Variants in ATG10 observed in about 807,000 individuals in gnomAD.
ATG10 encodes the protein ubiquitin-like-conjugating enzyme ATG10.
A neutral mutation model predicts 32.1 loss-of-function variants in ATG10; 30 were observed. The ratio of observed to expected loss-of-function variants is 0.94; its 90% CI spans 0.70 to 1.27. The LOEUF is 1.27. ATG10 is among the 50% of genes most tolerant of loss of function. ATG10 has a pLI of 0.00. For synonymous variants in ATG10, 87 were observed against 91.5 expected (o/e 0.95, Z 0.28); for missense variants, 233 against 262.3 (o/e 0.89, Z 0.77).
At chr5:82,114,909 A>G (rs1389515285) in intron 3 of ATG10, among the ~76,000 whole-genome samples, 1 of 152,076 alleles carries the variant, frequency 6.6e-6, no homozygotes, top group African/African-American at 2.4e-5. Context: ...TTACAGTACA[A>G]TATGATCGCT....
At chr5:82,233,806 C>A (rs560169094) in intron 5 of ATG10, among the ~76,000 whole-genome samples, 3 of 152,294 alleles carry the variant, frequency 2.0e-5, no homozygotes, top group Admixed American at 6.5e-5. Flanking sequence ...TAATTGACTG[C>A]CTAGGGCCTG....
Position 81,993,360 on chromosome 5 carries a change from C to CTTCTTTCTTTCTTTTCTTTTCTT in ATG10, c.108+5688_108+5689insCTTTCTTTTCTTTTCTTTTCTTT, listed in dbSNP as rs1389776064. Among the ~76,000 whole-genome samples the CTTCTTTCTTTCTTTTCTTTTCTT allele has an allele frequency of 5.8e-3, 273 of 46,784 alleles. 34 individuals are homozygous for CTTCTTTCTTTCTTTTCTTTTCTT. Among genetic ancestry groups the CTTCTTTCTTTCTTTTCTTTTCTT allele is most frequent in the East Asian group, 0.033 (51 of 1,566 alleles). The allele number at this position is 46,784 out of a possible 152,430, so 30.7% of individuals were successfully genotyped here. ...CCTTCTTTCTTTCTTTCTTTCTTTC[C>CTTCTTTCTTTCTTTTCTTTTCTT]TTCTTTTCTTTTCTTTTCTTTTCTT... On this transcript the variant is annotated intron_variant, in intron 2 of 7. Coordinates refer to ENST00000282185, the MANE Select transcript of ATG10 (RefSeq NM_031482.5).
intron 3 of ATG10, among the ~76,000 whole-genome samples, chr5:82,086,403 A>G (rs542551629): frequency 6.6e-6 from 1 of 152,214 alleles, no homozygotes; most frequent in Admixed American, 6.5e-5. Context: ...CAAGTAAATT[A>G]GTATAGTAAT....
At chr5:82,010,767 C>T (rs764787058) in intron 2 of ATG10, among the ~76,000 whole-genome samples, 11 of 152,088 alleles carry the variant, frequency 7.2e-5, no homozygotes, top group Non-Finnish European at 1.6e-4. Context: ...GGTTTCTTTT[C>T]CAATATTTAT....
chr5:82,083,218 G>A (rs1368084957), intron 3 of ATG10, among the ~76,000 whole-genome samples: 1 of 152,198 alleles, frequency 6.6e-6, no homozygotes. Flanking sequence ...CACCCCTACG[G>A]AGCCTCACTC....
chr5:82,104,446 G>GT (rs1233743270), intron 3 of ATG10, among the ~76,000 whole-genome samples: 1 of 150,212 alleles, frequency 6.7e-6, no homozygotes, highest in Non-Finnish European at 1.5e-5. Context: ...TTTTTTTTCA[G>GT]TTTTAGATGA....
chr5:81,978,399 C>T (rs1397065023), intron 1 of ATG10, among the ~76,000 whole-genome samples: 4 of 152,150 alleles, frequency 2.6e-5, no homozygotes, highest in African/African-American at 9.6e-5. Context: ...ATACTTTTGG[C>T]CAAGGATACC....
At chr5:82,120,545 T>A (rs757766977) in intron 3 of ATG10, among the ~76,000 whole-genome samples, 18 of 152,334 alleles carry the variant, frequency 1.2e-4, no homozygotes, top group African/African-American at 2.9e-4. Context: ...AGGATGGAAG[T>A]GACTTGATTA....
intron 4 of ATG10, among the ~76,000 whole-genome samples, chr5:82,178,214 C>T (rs1176990470): frequency 1.3e-5 from 2 of 152,080 alleles, no homozygotes; most frequent in East Asian, 3.8e-4. Flanking sequence ...CTCTCTAAAA[C>T]ACATTTGGAT....
intron 5 of ATG10, among the ~76,000 whole-genome samples, chr5:82,195,325 A>G (rs1009767592): frequency 6.6e-6 from 1 of 152,230 alleles, no homozygotes; most frequent in African/African-American, 2.4e-5. Flanking sequence ...TTGGACAGAG[A>G]CTAAAGAAAT....
intron 5 of ATG10, among the ~76,000 whole-genome samples, chr5:82,209,879 CTT>C (rs1445053348): frequency 6.6e-6 from 1 of 152,152 alleles, no homozygotes; most frequent in Non-Finnish European, 1.5e-5. Flanking sequence ...ACCCCACTGA[CTT>C]TTGTTTCACT....
In ATG10 at chr5:82,219,862, A is replaced by G. The variant is rs188333752; in HGVS notation, c.454-32700A>G. Among the ~76,000 whole-genome samples, 111 of 152,338 alleles carry G rather than the reference A, an allele frequency of 7.3e-4. 1 individual carries two copies. Among genetic ancestry groups the G allele is most frequent in the African/African-American group, 2.4e-3 (100 of 41,586 alleles). On this transcript the variant is annotated intron_variant, in intron 5 of 7. Coordinates refer to ENST00000282185, the MANE Select transcript of ATG10 (RefSeq NM_031482.5). ...CTCTTTCTCTCATTCACAAATATTA[A>G]AGGAGCACCTATTATGAGCAGTTGT...
At chr5:82,203,811 C>G (rs1338762912) in intron 5 of ATG10, among the ~76,000 whole-genome samples, 1 of 152,014 alleles carries the variant, frequency 6.6e-6, no homozygotes, top group Non-Finnish European at 1.5e-5. Flanking sequence ...CTTTTTAAAT[C>G]TCTAAAATGG....
intron 3 of ATG10, among the ~76,000 whole-genome samples, chr5:82,151,628 A>AC (rs1474419185): frequency 3.1e-5 from 3 of 95,252 alleles, no homozygotes; most frequent in African/African-American, 9.8e-5. Context: ...CCCTGGAACA[A>AC]AAAAAAAAAA....
At chr5:82,079,762 T>C (rs1407639428) in intron 3 of ATG10, among the ~76,000 whole-genome samples, 7 of 152,206 alleles carry the variant, frequency 4.6e-5, no homozygotes, top group Non-Finnish European at 7.3e-5. Flanking sequence ...ATCCAGTCTA[T>C]CACTGATAGA....
At chr5:82,110,680 A>T (rs1040893578) in intron 3 of ATG10, among the ~76,000 whole-genome samples, 28 of 151,948 alleles carry the variant, frequency 1.8e-4, no homozygotes, top group Non-Finnish European at 3.2e-4. Context: ...GTTTGAGTTC[A>T]TTGTAGATTC....
intron 3 of ATG10, among the ~76,000 whole-genome samples, chr5:82,097,897 C>T (rs1765123032): frequency 1.9e-4 from 29 of 152,148 alleles, no homozygotes; most frequent in Admixed American, 1.9e-3. Context: ...AGAGAATGGA[C>T]ATCTTAAAAC....
intron 3 of ATG10, among the ~76,000 whole-genome samples, chr5:82,141,094 C>T (rs1230262605): frequency 8.2e-5 from 9 of 109,520 alleles, no homozygotes; most frequent in Admixed American, 6.0e-4. Flanking sequence ...TGCGGAAGGC[C>T]GCAGGGTCCT....
intron 3 of ATG10, among the ~76,000 whole-genome samples, chr5:82,110,578 G>A (rs1156662148): frequency 2.0e-5 from 3 of 152,060 alleles, no homozygotes; most frequent in Non-Finnish European, 4.4e-5. Context: ...TCATGTGTCT[G>A]TTGGCTGCAT....
Sources: allele counts gnomAD v4.1 joint callset (sites outside exome capture counted in the v4.1 genomes callset), GRCh38; gene constraint gnomAD v4.1.1; transcripts MANE v1.5; gene names NCBI Gene and HGNC (gene_info 2026-07-23, HGNC 2026-07-21).